The following LASP1 variants were observed in gnomAD, a reference collection of about 807,000 sequenced individuals.
The protein encoded by LASP1 is LIM and SH3 domain protein 1.
Under a neutral mutation model 38.6 loss-of-function variants are expected in LASP1, and 10 were observed. The ratio of observed to expected loss-of-function variants is 0.26; its 90% CI spans 0.16 to 0.44. The LOEUF (loss-of-function observed/expected upper bound fraction) is 0.44, where lower values mean the gene tolerates loss of function less well. Ranked by LOEUF, LASP1 falls within the 20% of genes least tolerant of loss-of-function variation. LASP1 has a pLI of 1.00. For synonymous variants in LASP1, 132 were observed against 140.8 expected (o/e 0.94, Z 0.44); for missense variants, 243 against 375.7 (o/e 0.65, Z 2.92).
chr17:38,879,329 T>C (rs1913873717), intron 2 of LASP1, among the ~76,000 whole-genome samples: 1 of 151,748 alleles, frequency 6.6e-6, no homozygotes, highest in Non-Finnish European at 1.5e-5. Flanking sequence ...CTAATTTTTG[T>C]ATTTTTTAGT....
chr17:38,890,249 C>T (rs944315713), intron 2 of LASP1, 171 bp from the exon 3 acceptor site: 19 of 601,126 alleles, frequency 3.2e-5, no homozygotes, highest in South Asian at 2.7e-4. Context: ...GTCTGAGAAA[C>T]GCTTGTCTCC....
chr17:38,899,121 T>A (rs999114817), intron 4 of LASP1: 3 of 261,900 alleles, frequency 1.1e-5, no homozygotes, highest in Admixed American at 4.7e-5. Context: ...TCGTGTGCCC[T>A]CCATGGCACC....
Position 38,919,406 on chromosome 17 carries a change from C to T in LASP1, c.*628C>T. On this transcript the variant is annotated 3_prime_UTR_variant, in exon 7 of 7. Coordinates refer to ENST00000318008, the MANE Select transcript of LASP1 (RefSeq NM_006148.4). ...TCCCCTCCCCGCGCGTTCCTTCGCA[C>T]ACTGTGATTTTGCCCTCCTGCCCAC... 4.1e-6 allele frequency: 1 copy of T among 241,226 alleles called. No homozygotes were observed. The highest frequency in any genetic ancestry group is 8.2e-6 in the Non-Finnish European group (1 of 122,122). The allele number at this position is 241,226 out of a possible 1,614,324, so 14.9% of individuals were successfully genotyped here.
rs538253259 is a variant in LASP1 at position 38,919,051 on chromosome 17, A to G, written c.*273A>G. On this transcript the variant is annotated 3_prime_UTR_variant, in exon 7 of 7. Transcript: ENST00000318008. ...CTGGGGGAGGCAGGGCTGGAATGGG[A>G]GACCTGTTGGCCTGTGGGCCTCACC... is the stretch of plus-strand genomic sequence containing the variant. 3.5e-4 allele frequency: 72 copies of G among 203,334 alleles called. No individual in the cohort carries two copies. Among genetic ancestry groups the G allele is most frequent in the Non-Finnish European group, 5.6e-4 (64 of 115,058 alleles). 12.6% of individuals were successfully genotyped at this position (203,334 alleles called of 1,614,324 possible). A position where few individuals can be genotyped will look rare whatever the true frequency, so the allele number is the denominator to read the frequency against.
intron 1 of LASP1, 133 bp downstream of exon 1, chr17:38,870,391 T>G (rs1205044630): frequency 3.0e-6 from 3 of 984,866 alleles, no homozygotes; most frequent in African/African-American, 3.3e-5. Context: ...GAGCGGGCGG[T>G]GTCATGGGGT....
At chr17:38,889,292 G>A (rs772437339) in intron 2 of LASP1, among the ~76,000 whole-genome samples, 1 of 152,040 alleles carries the variant, frequency 6.6e-6, no homozygotes, top group Non-Finnish European at 1.5e-5. Context: ...CATCACACCC[G>A]GCTAATTTTT....
At chr17:38,914,834 G>A in intron 5 of LASP1, 1 of 603,052 alleles carries the variant, frequency 1.7e-6, no homozygotes, top group East Asian at 2.8e-5. Flanking sequence ...GGATTGAAAG[G>A]AGAGGCCCCC....
Position 38,921,303 on chromosome 17 carries a change from C to T in LASP1, c.*2525C>T, listed in dbSNP as rs1598126884. The stretch of plus-strand genomic sequence containing the variant: ...AGAATGTGAATATAACTTTTGTGGA[C>T]CAATACTAAGAATAACAAGAAGCCC... On this transcript the variant is annotated 3_prime_UTR_variant, in exon 7 of 7. Coordinates refer to ENST00000318008, the MANE Select transcript of LASP1 (RefSeq NM_006148.4). 1.7e-5 allele frequency: 4 copies of T among 230,952 alleles called. No homozygotes were observed. The East Asian group carries it at 2.5e-4, about 14-fold the overall frequency. The allele number at this position is 230,952 out of a possible 1,614,324, so 14.3% of individuals were successfully genotyped here.
intron 2 of LASP1, among the ~76,000 whole-genome samples, chr17:38,885,077 C>G (rs559038038): frequency 6.6e-6 from 1 of 152,164 alleles, no homozygotes; most frequent in African/African-American, 2.4e-5. Context: ...AGCTTGGAAA[C>G]GAGTTGGGTT....
At chr17:38,876,595 C>G (rs1913784527) in intron 1 of LASP1, among the ~76,000 whole-genome samples, 1 of 152,132 alleles carries the variant, frequency 6.6e-6, no homozygotes, top group Admixed American at 6.5e-5. Context: ...AACTCCCAAC[C>G]TCCAGTAATC....
chr17:38,882,373 A>G (rs1023541804), intron 2 of LASP1, among the ~76,000 whole-genome samples: 1 of 152,036 alleles, frequency 6.6e-6, no homozygotes, highest in Non-Finnish European at 1.5e-5. Flanking sequence ...TCAGCCTCCC[A>G]AGTAGCTGGG....
At chr17:38,876,674 T>G (rs1440764757) in intron 1 of LASP1, among the ~76,000 whole-genome samples, 1 of 151,616 alleles carries the variant, frequency 6.6e-6, no homozygotes, top group African/African-American at 2.4e-5. Context: ...AGATCTGTTC[T>G]CTTTCTGTCA....
At position 38,890,059 on chromosome 17, in the gene LASP1, G is replaced by C. The variant is rs183256263; in HGVS notation, c.165-361G>C. On this transcript the variant is annotated intron_variant, in intron 2 of 6. Coordinates refer to ENST00000318008, the MANE Select transcript of LASP1 (RefSeq NM_006148.4). Reference sequence around the variant, plus strand: ...ACCTGTGCCCATCTTCCCCCAGCCGGGCCCAGTTGCCTCGACCTCCATGTG... The same window carrying C: ...ACCTGTGCCCATCTTCCCCCAGCCGCGCCCAGTTGCCTCGACCTCCATGTG... Among the ~76,000 whole-genome samples the C allele has an allele frequency of 2.3e-3, 353 of 152,254 alleles. 1 individual carries two copies. Among genetic ancestry groups the C allele is most frequent in the African/African-American group, 8.0e-3 (333 of 41,548 alleles).
chr17:38,897,739 G>A (rs12944632), intron 3 of LASP1, among the ~76,000 whole-genome samples: 55,710 of 151,998 alleles, frequency 0.37, 10,971 homozygotes, highest in Middle Eastern at 0.51. Context: ...AAGCCATCCC[G>A]GCAGGCTCCC....
chr17:38,897,755 C>T (rs528356314), intron 3 of LASP1, among the ~76,000 whole-genome samples: 9 of 152,316 alleles, frequency 5.9e-5, no homozygotes, highest in African/African-American at 1.9e-4. Context: ...CTCCCAGAAT[C>T]CGCGGGGCCT....
At chr17:38,890,981 C>T (rs907026094) in intron 3 of LASP1, among the ~76,000 whole-genome samples, 3 of 152,178 alleles carry the variant, frequency 2.0e-5, no homozygotes, top group African/African-American at 4.8e-5. Flanking sequence ...GGGGCTGTTC[C>T]GCCTCTGTCT....
intron 4 of LASP1, 79 bp downstream of exon 4, chr17:38,898,598 C>T (rs1914555043): frequency 9.1e-7 from 1 of 1,102,956 alleles, no homozygotes; most frequent in African/African-American, 1.5e-5. Context: ...AGACGCAAGC[C>T]TGGCAGATGT....
At chr17:38,913,484 C>T (rs1236994836) in intron 4 of LASP1, among the ~76,000 whole-genome samples, 1 of 152,208 alleles carries the variant, frequency 6.6e-6, no homozygotes, top group Non-Finnish European at 1.5e-5. Context: ...AATCTGTGAT[C>T]TTGGGCCACT....
At chr17:38,898,638 C>A in intron 4 of LASP1, 119 bp downstream of exon 4, 1 of 763,070 alleles carries the variant, frequency 1.3e-6, no homozygotes, top group African/African-American at 1.7e-5. Context: ...ACTACCCCTG[C>A]CCTCCAGGGT....
Sources: allele counts gnomAD v4.1 joint callset (sites outside exome capture counted in the v4.1 genomes callset), GRCh38; gene constraint gnomAD v4.1.1; transcripts MANE v1.5; gene names NCBI Gene and HGNC (gene_info 2026-07-23, HGNC 2026-07-21).